The following TRAF3IP2 variants were observed in gnomAD, a reference collection of about 807,000 sequenced individuals.
TRAF3IP2 encodes the protein TRAF3 interacting protein 2.
TRAF3IP2 carries 35 observed loss-of-function variants against 57.9 expected under a neutral mutation model. The observed-to-expected ratio is 0.60, with a 90% confidence interval of 0.46 to 0.80. TRAF3IP2 has a LOEUF of 0.80. TRAF3IP2 is among the 30% of genes least tolerant of loss of function. The pLI, the probability that TRAF3IP2 is intolerant of heterozygous loss-of-function variation, is 0.00. For synonymous variants in TRAF3IP2, 251 were observed against 268.9 expected, an observed-to-expected ratio of 0.93 and a Z score of 0.65; for missense variants, 556 against 706.4, an observed-to-expected ratio of 0.79 and a Z score of 2.41.
chr6:111,580,483 T>A lies in TRAF3IP2; in HGVS notation c.830-94A>T. ...AGCTCCATGCTCATTTGTGTCTTGA[T>A]CCCAGCTGAGGGGTCCAGATATCTG... On this transcript the variant is annotated intron_variant, in intron 2 of 8. Transcript: ENST00000368761. 8 of 1,231,800 alleles carry A rather than the reference T, an allele frequency of 6.5e-6. No homozygotes were observed. In the South Asian group the frequency reaches 1.1e-4, roughly 16 times the overall value. The allele number at this position is 1,231,800 out of a possible 1,614,324, so 76.3% of individuals were successfully genotyped here.
intron 4 of TRAF3IP2, chr6:111,574,781 A>G (rs1023924048): frequency 5.3e-5 from 8 of 152,262 alleles, no homozygotes; most frequent in African/African-American, 1.9e-4. Flanking sequence ...TTTTTGGAGT[A>G]TGTGCTTAAG....
intron 2 of TRAF3IP2, among the ~76,000 whole-genome samples, chr6:111,584,093 A>G (rs779688689): frequency 2.6e-5 from 4 of 152,226 alleles, no homozygotes; most frequent in Admixed American, 6.5e-5. Flanking sequence ...AGCTCTAATC[A>G]TAGGGTTTAT....
chr6:111,601,211 G>A (rs559957871), intron 1 of TRAF3IP2: 1 of 779,210 alleles, frequency 1.3e-6, no homozygotes, highest in African/African-American at 1.7e-5. Flanking sequence ...AGCTGAGGAG[G>A]CATGGAAGCA....
intron 1 of TRAF3IP2, among the ~76,000 whole-genome samples, chr6:111,593,406 C>T (rs1796579214): frequency 3.9e-5 from 6 of 152,192 alleles, no homozygotes; most frequent in Admixed American, 3.9e-4. Flanking sequence ...TTCTCTTGCA[C>T]CTTGTACCCA....
intron 8 of TRAF3IP2, among the ~76,000 whole-genome samples, chr6:111,559,926 T>C (rs2128368303): frequency 6.6e-6 from 1 of 152,296 alleles, no homozygotes; most frequent in Non-Finnish European, 1.5e-5. Context: ...TAGGCTTAAA[T>C]CAATTCATTA....
At position 111,580,335 on chromosome 6, in the gene TRAF3IP2, G is replaced by A. The variant is rs771866042; in HGVS notation, c.884C>T (p.Pro295Leu). The change falls in exon 3 of 9, where the codon CCT (proline) becomes CTT (leucine). Residue 295 changes from proline to leucine, a missense_variant. By Grantham distance (98) the Pro-to-Leu change is moderately conservative. Coordinates refer to ENST00000368761, the MANE Select transcript of TRAF3IP2 (RefSeq NM_147686.4). ...AYQQVIQPAL[P>L]GQPLPGASVR... ...ACTGGCTCCAGGCAGGGGCTGCCCAGGCAGAGCCGGCTGGATCACTTGCTG... is the reference window on the plus strand; with the variant it reads ...ACTGGCTCCAGGCAGGGGCTGCCCAAGCAGAGCCGGCTGGATCACTTGCTG... The A allele has an allele frequency of 2.5e-6, 4 of 1,600,466 alleles. No homozygotes were observed. Among genetic ancestry groups the A allele is most frequent in the South Asian group, 1.1e-5 (1 of 88,864 alleles).
At chr6:111,605,354 C>T (rs2128387370) in intron 1 of TRAF3IP2, among the ~76,000 whole-genome samples, 1 of 152,344 alleles carries the variant, frequency 6.6e-6, no homozygotes, top group East Asian at 1.9e-4. Flanking sequence ...ATTGAGAAAA[C>T]TGCCACTGAC....
intron 1 of TRAF3IP2, among the ~76,000 whole-genome samples, chr6:111,599,237 A>G (rs1796786029): frequency 6.6e-6 from 1 of 151,938 alleles, no homozygotes; most frequent in East Asian, 1.9e-4. Flanking sequence ...CTGGACTCTC[A>G]TCACCGTTTG....
intron 1 of TRAF3IP2, chr6:111,597,884 C>T (rs1796743441): frequency 2.2e-6 from 1 of 455,868 alleles, no homozygotes; most frequent in Admixed American, 2.3e-5. Context: ...GACCTTTGCT[C>T]CAGTCTCTAC....
At chr6:111,575,540 A>G in intron 4 of TRAF3IP2, 103 bp downstream of exon 4, 1 of 1,320,686 alleles carries the variant, frequency 7.6e-7, no homozygotes, top group Non-Finnish European at 1.0e-6. Flanking sequence ...GTGAGCTGAG[A>G]TCGCACCACT....
chr6:111,555,996 G>A lies in TRAF3IP2; in HGVS notation c.*3409C>T, dbSNP rs982862202. Among the ~76,000 whole-genome samples, 3 of 151,904 alleles carry A rather than the reference G, an allele frequency of 2.0e-5. No homozygotes were observed. Among genetic ancestry groups the A allele is most frequent in the Admixed American group, 6.6e-5 (1 of 15,250 alleles). On this transcript the variant is annotated 3_prime_UTR_variant, in exon 9 of 9. Transcript: ENST00000368761. ...CAGGTGCCTGTAGTCACAGCTACTC[G>A]AGAGGCTGAGGCAGGAGAATCGCTT...
intron 5 of TRAF3IP2, 113 bp downstream of exon 5, chr6:111,572,782 A>G (rs1795867909): frequency 2.4e-6 from 2 of 826,664 alleles, no homozygotes; most frequent in African/African-American, 3.4e-5. Flanking sequence ...AATCACATAA[A>G]TCAAATAATA....
chr6:111,596,933 T>C (rs1796711357), intron 1 of TRAF3IP2, among the ~76,000 whole-genome samples: 1 of 152,232 alleles, frequency 6.6e-6, no homozygotes, highest in South Asian at 2.1e-4. Flanking sequence ...TTTACAGCTA[T>C]ATTCTCAACA....
chr6:111,560,187 T>G (rs562949899), intron 8 of TRAF3IP2, among the ~76,000 whole-genome samples: 1 of 152,240 alleles, frequency 6.6e-6, no homozygotes, highest in Non-Finnish European at 1.5e-5. Context: ...GGTGAAAGAT[T>G]TGCAGTTTTA....
chr6:111,605,417 C>T (rs985422498), intron 1 of TRAF3IP2, among the ~76,000 whole-genome samples: 4 of 152,250 alleles, frequency 2.6e-5, no homozygotes, highest in African/African-American at 7.2e-5. Flanking sequence ...CTGGCTCTCT[C>T]TTTGGAGAAG....
chr6:111,595,806 T>C (rs1489119434), intron 1 of TRAF3IP2, among the ~76,000 whole-genome samples: 1 of 142,466 alleles, frequency 7.0e-6, no homozygotes, highest in Admixed American at 7.3e-5. Context: ...CCAGCCTGGG[T>C]GACACAGCGA....
At chr6:111,576,400 G>A (rs1456432597) in intron 3 of TRAF3IP2, 1 of 152,228 alleles carries the variant, frequency 6.6e-6, no homozygotes, top group Non-Finnish European at 1.5e-5. Context: ...ACAATCAGAT[G>A]ACCTCGTGTG....
rs1477878905 is a variant in TRAF3IP2, at chr6:111,562,947, GT to G, written c.1551+17del. On this transcript the variant is annotated intron_variant, in intron 8 of 8. Transcript: ENST00000368761. ...CCAAAGATTGAATTATGAGGATTTT[GT>G]TTCTTTGTTTGTTTACCTTCTTAGC... 6 of 1,585,536 alleles carry G rather than the reference GT, an allele frequency of 3.8e-6. No individual in the cohort carries two copies. The highest frequency in any genetic ancestry group is 4.3e-6 in the Non-Finnish European group (5 of 1,159,184).
At chr6:111,598,012 C>G (rs1796748218) in intron 1 of TRAF3IP2, 2 of 418,560 alleles carry the variant, frequency 4.8e-6, no homozygotes, top group South Asian at 3.4e-5. Context: ...TGGGAGCCCC[C>G]ATGCTGGCAG....
Sources: gnomAD v4.1 joint callset for allele counts (sites outside exome capture counted in the v4.1 genomes callset) on GRCh38, gnomAD v4.1.1 for gene constraint, MANE v1.5 for transcripts, NCBI Gene and HGNC (gene_info 2026-07-23, HGNC 2026-07-21) for gene names.